HDAC8: variants seen among roughly 807,000 people sequenced by gnomAD.
HDAC8 encodes the protein histone deacetylase 8, also known as histone deacetylase-like 1.
Under a neutral mutation model 32.2 loss-of-function variants are expected in HDAC8, and 1 was observed. The ratio of observed to expected loss-of-function variants is 0.03; its 90% CI spans 0.01 to 0.15. HDAC8 has a LOEUF of 0.15. Ranked by LOEUF, HDAC8 falls within the 10% of genes least tolerant of loss-of-function variation. HDAC8 has a pLI of 1.00. For synonymous variants in HDAC8, 108 were observed against 113.9 expected (o/e 0.95, Z 0.33); for missense variants, 117 against 300.0 (o/e 0.39, Z 4.51).
intron 9 of HDAC8, among the ~76,000 whole-genome samples, chrX:72,382,575 A>T (rs1047897448): frequency 1.1e-4 from 12 of 112,567 alleles, no homozygotes; most frequent in African/African-American, 3.9e-4. Context: ...TAAAGGAAGT[A>T]CTGATACATG....
At chrX:72,530,483 C>A (rs1469238411) in intron 4 of HDAC8, among the ~76,000 whole-genome samples, 4 of 96,527 alleles carry the variant, frequency 4.1e-5, no homozygotes, top group Non-Finnish European at 8.1e-5. Context: ...ATATCTCAGT[C>A]GTATCTCCTT....
intron 4 of HDAC8, among the ~76,000 whole-genome samples, chrX:72,533,103 A>G (rs1275012912): frequency 8.9e-6 from 1 of 111,747 alleles, no homozygotes; most frequent in Non-Finnish European, 1.9e-5. Flanking sequence ...TCCCAGCACC[A>G]TTTGTTGAAG....
intron 4 of HDAC8, among the ~76,000 whole-genome samples, chrX:72,560,302 C>T (rs1556116644): frequency 9.0e-6 from 1 of 110,638 alleles, no homozygotes; most frequent in African/African-American, 3.3e-5. Context: ...TGTGTCCACT[C>T]AGGGTTAAAT....
chrX:72,342,488 C>G (rs1346436641), intron 10 of HDAC8, among the ~76,000 whole-genome samples: 1 of 112,517 alleles, frequency 8.9e-6, no homozygotes, highest in Non-Finnish European at 1.9e-5. Context: ...GGTAGACTGA[C>G]AAAGTTGTCA....
intron 10 of HDAC8, among the ~76,000 whole-genome samples, chrX:72,339,685 G>A (rs1036884148): frequency 1.6e-4 from 18 of 112,019 alleles, no homozygotes; most frequent in African/African-American, 4.9e-4. Context: ...CTGAGAGATT[G>A]TCAGGGAGCA....
chrX:72,569,119 T>C (rs2051913399), intron 2 of HDAC8, among the ~76,000 whole-genome samples: 1 of 112,231 alleles, frequency 8.9e-6, no homozygotes, highest in Non-Finnish European at 1.9e-5. Context: ...CCCTTGAGTT[T>C]ATAGGTAAGT....
At chrX:72,399,716 C>T (rs1399078983) in intron 9 of HDAC8, among the ~76,000 whole-genome samples, 1 of 112,308 alleles carries the variant, frequency 8.9e-6, no homozygotes, top group Non-Finnish European at 1.9e-5. Context: ...CATGAAGACA[C>T]TGTGCCTGGC....
At chrX:72,436,734 T>G (rs1285133508) in intron 9 of HDAC8, among the ~76,000 whole-genome samples, 1 of 111,325 alleles carries the variant, frequency 9.0e-6, no homozygotes, top group Non-Finnish European at 1.9e-5. Flanking sequence ...GTTTGATGAT[T>G]GAAACAAAAA....
chrX:72,508,278 A>C (rs782497208), intron 4 of HDAC8, among the ~76,000 whole-genome samples: 1 of 112,000 alleles, frequency 8.9e-6, no homozygotes, highest in African/African-American at 3.2e-5. Context: ...ATAATAGCTG[A>C]CATCTATTAA....
At chrX:72,485,616 G>A (rs1350946374) in intron 7 of HDAC8, among the ~76,000 whole-genome samples, 1 of 109,141 alleles carries the variant, frequency 9.2e-6, no homozygotes, top group Non-Finnish European at 1.9e-5. Context: ...AGGAGAAAAG[G>A]AAAAGACAAG....
intron 9 of HDAC8, among the ~76,000 whole-genome samples, chrX:72,440,659 T>C (rs1433161819): frequency 1.8e-5 from 2 of 111,786 alleles, no homozygotes; most frequent in Non-Finnish European, 3.8e-5. Flanking sequence ...TCCATCTCAC[T>C]AGGGAGTGCC....
chrX:72,353,132 C>T (rs1196832282), intron 9 of HDAC8, among the ~76,000 whole-genome samples: 6 of 111,803 alleles, frequency 5.4e-5, no homozygotes, highest in Non-Finnish European at 1.1e-4. Flanking sequence ...AGAGTTATTG[C>T]CATTGTCACC....
chrX:72,410,899 A>G (rs2046172618), intron 9 of HDAC8, among the ~76,000 whole-genome samples: 1 of 111,397 alleles, frequency 9.0e-6, no homozygotes, highest in Non-Finnish European at 1.9e-5. Flanking sequence ...TGGCTCCCAC[A>G]TGATGAGGCT....
intron 9 of HDAC8, among the ~76,000 whole-genome samples, chrX:72,428,313 C>T (rs1485548310): frequency 2.7e-5 from 3 of 112,200 alleles, no homozygotes; most frequent in Non-Finnish European, 5.6e-5. Context: ...AGGCCGGTCT[C>T]GAACTCCTGA....
chrX:72,349,976 G>A (rs1428708268), intron 10 of HDAC8, among the ~76,000 whole-genome samples: 1 of 111,709 alleles, frequency 9.0e-6, no homozygotes, highest in African/African-American at 3.3e-5. Context: ...AAGAGAAGCC[G>A]GTCCAGGATC....
intron 10 of HDAC8, among the ~76,000 whole-genome samples, chrX:72,346,962 GA>G: frequency 9.0e-6 from 1 of 111,543 alleles, no homozygotes; most frequent in South Asian, 3.8e-4. Context: ...ACGGGATGAT[GA>G]GCAGATTTGA....
intron 5 of HDAC8, among the ~76,000 whole-genome samples, chrX:72,491,989 C>T (rs2048885362): frequency 8.9e-6 from 1 of 111,970 alleles, no homozygotes; most frequent in Admixed American, 9.5e-5. Context: ...AATATTAACT[C>T]TATTTATATA....
chrX:72,454,321 AATTAGGGAT>A (rs1440773637), intron 9 of HDAC8, among the ~76,000 whole-genome samples: 2 of 110,935 alleles, frequency 1.8e-5, no homozygotes, highest in Admixed American at 9.7e-5. Context: ...AACACAGCCC[AATTAGGGAT>A]ATAAGGGGTG....
intron 4 of HDAC8, among the ~76,000 whole-genome samples, chrX:72,533,639 C>T (rs2050423176): frequency 9.0e-6 from 1 of 111,451 alleles, no homozygotes; most frequent in African/African-American, 3.3e-5. Flanking sequence ...CAAACCAAAT[C>T]CAGCAAATAT....
Sources: allele counts gnomAD v4.1 joint callset (sites outside exome capture counted in the v4.1 genomes callset), GRCh38; gene constraint gnomAD v4.1.1; transcripts MANE v1.5; gene names NCBI Gene and HGNC (gene_info 2026-07-23, HGNC 2026-07-21).